Variants in ATXN1 observed in about 807,000 individuals in gnomAD.
ATXN1 encodes the protein ataxin 1.
ATXN1 carries 8 observed loss-of-function variants against 56.4 expected under a neutral mutation model. The ratio of observed to expected loss-of-function variants is 0.14; its 90% CI spans 0.08 to 0.26. The LOEUF (loss-of-function observed/expected upper bound fraction) is 0.26. ATXN1 is among the 10% of genes least tolerant of loss of function. ATXN1 has a pLI of 1.00. For missense variants in ATXN1, 987 were observed against 1,106.5 expected (o/e 0.89, Z 1.53); for synonymous variants, 514 against 494.6 (o/e 1.04, Z -0.52).
At chr6:16,630,520 A>C (rs776278422) in intron 3 of ATXN1, among the ~76,000 whole-genome samples, 2 of 152,226 alleles carry the variant, frequency 1.3e-5, no homozygotes, top group Non-Finnish European at 2.9e-5. Context: ...GACCACTCCA[A>C]TGCATTGATG....
intron 7 of ATXN1, among the ~76,000 whole-genome samples, chr6:16,315,082 C>T (rs984342875): frequency 1.6e-4 from 25 of 152,252 alleles, no homozygotes; most frequent in Admixed American, 1.4e-3. Context: ...ACACGCAAAA[C>T]GGGTACATTT....
In ATXN1 at chr6:16,327,419, T is replaced by C; in HGVS notation, c.892A>G (p.Ser298Gly). Reference protein sequence around the residue: ...QVVMQYADSGSHFVPREATKK... With the variant: ...QVVMQYADSGGHFVPREATKK... Reference sequence around the variant, plus strand: ...GTGGCCTCCCGAGGGACAAAGTGGCTGCCGGAGTCGGCGTATTGCATGACG... The same window carrying C: ...GTGGCCTCCCGAGGGACAAAGTGGCCGCCGGAGTCGGCGTATTGCATGACG... The change falls in exon 7 of 8, where the codon AGC becomes GGC. Residue 298 changes from serine (S) to glycine (G), a missense_variant. Ser to Gly is a moderately conservative substitution (Grantham distance 56). Coordinates refer to ENST00000436367, the MANE Select transcript of ATXN1 (RefSeq NM_001128164.2). The C allele has an allele frequency of 6.2e-7, 1 of 1,613,758 alleles. No individual in the cohort carries two copies. The highest frequency in any genetic ancestry group is 1.1e-5 in the South Asian group (1 of 91,078).
intron 2 of ATXN1, among the ~76,000 whole-genome samples, chr6:16,721,604 G>T (rs1759746703): frequency 6.6e-6 from 1 of 152,156 alleles, no homozygotes; most frequent in Admixed American, 6.5e-5. Context: ...TCCAGCCAGG[G>T]TGATAGAGGG....
intron 5 of ATXN1, among the ~76,000 whole-genome samples, chr6:16,519,167 A>G (rs3806137): frequency 0.29 from 44,106 of 152,044 alleles, 6,660 homozygotes; most frequent in Non-Finnish European, 0.33. Context: ...GAGGAAGAAG[A>G]AGATACATGT....
At position 16,519,312 on chromosome 6, in the gene ATXN1, G is replaced by A. The variant is rs1177832531; in HGVS notation, c.-299+3315C>T. Among the ~76,000 whole-genome samples the A allele has an allele frequency of 3.9e-5, 6 of 152,234 alleles. No homozygotes were observed. The South Asian group carries it at 1.2e-3, about 32-fold the overall frequency. On this transcript the variant is annotated intron_variant, in intron 5 of 7. Coordinates refer to ENST00000436367, the MANE Select transcript of ATXN1 (RefSeq NM_001128164.2). ...TTTAAAAATGCTTCAGGAGTTCAGAGGGGAAAAAAAGTATCCGTTGGAACT... is the reference window on the plus strand; with the variant it reads ...TTTAAAAATGCTTCAGGAGTTCAGAAGGGAAAAAAAGTATCCGTTGGAACT...
intron 6 of ATXN1, among the ~76,000 whole-genome samples, chr6:16,445,470 C>A (rs1383291647): frequency 1.3e-5 from 2 of 151,684 alleles, no homozygotes; most frequent in African/African-American, 4.8e-5. Context: ...CAAAAGCGTT[C>A]ATTTACCACC....
chr6:16,322,300 T>C (rs190905056), intron 7 of ATXN1, among the ~76,000 whole-genome samples: 157 of 152,232 alleles, frequency 1.0e-3, no homozygotes, highest in Non-Finnish European at 1.8e-3. Flanking sequence ...AGGAGAGTGC[T>C]GCAGCTCAGA....
intron 2 of ATXN1, among the ~76,000 whole-genome samples, chr6:16,719,882 C>T (rs770932157): frequency 1.7e-4 from 26 of 152,180 alleles, no homozygotes; most frequent in Admixed American, 5.2e-4. Flanking sequence ...CCCAACAGAG[C>T]TTCGGGAGGG....
chr6:16,670,193 T>C (rs995519239), intron 2 of ATXN1, among the ~76,000 whole-genome samples: 3 of 152,302 alleles, frequency 2.0e-5, no homozygotes, highest in African/African-American at 7.2e-5. Flanking sequence ...TTCTATTTCC[T>C]GGTTATGCTA....
chr6:16,381,382 T>C (rs1019661098), intron 6 of ATXN1, among the ~76,000 whole-genome samples: 5 of 152,072 alleles, frequency 3.3e-5, no homozygotes, highest in African/African-American at 7.2e-5. Context: ...CACCAGAAGC[T>C]AGGGAGTGAC....
intron 6 of ATXN1, among the ~76,000 whole-genome samples, chr6:16,353,202 C>G (rs1381246101): frequency 6.6e-6 from 1 of 152,146 alleles, no homozygotes; most frequent in African/African-American, 2.4e-5. Context: ...CGGGGGACGT[C>G]TGGCTGCGGT....
intron 2 of ATXN1, among the ~76,000 whole-genome samples, chr6:16,679,173 T>G (rs1758748519): frequency 6.7e-6 from 1 of 148,344 alleles, no homozygotes; most frequent in African/African-American, 2.5e-5. Context: ...AATAGATGGA[T>G]GGAAGGATAG....
At chr6:16,622,218 G>A (rs899578400) in intron 3 of ATXN1, among the ~76,000 whole-genome samples, 6 of 152,134 alleles carry the variant, frequency 3.9e-5, no homozygotes, top group South Asian at 2.1e-4. Context: ...AAATTAAACC[G>A]GTGAAGGGGA....
chr6:16,432,999 G>A lies in ATXN1; in HGVS notation c.-161+52973C>T, dbSNP rs1171450003. 2.0e-5 allele frequency: 3 copies of A among 152,298 alleles called. No homozygotes were observed. The East Asian group carries it at 5.8e-4, about 29-fold the overall frequency. The allele number at this position is 152,298 out of a possible 1,614,324, so 9.4% of individuals were successfully genotyped here. A position where few individuals can be genotyped will look rare whatever the true frequency, so the allele number is the denominator to read the frequency against. On this transcript the variant is annotated intron_variant, in intron 6 of 7. Coordinates refer to ENST00000436367, the MANE Select transcript of ATXN1 (RefSeq NM_001128164.2). ...TAATTCTGCTTGAAAGAAGTGCAAA[G>A]AAGGTCTTTTGCTGTGCAGCATGTA...
chr6:16,367,116 CTGT>C (rs1035968243), intron 6 of ATXN1, among the ~76,000 whole-genome samples: 2 of 152,118 alleles, frequency 1.3e-5, no homozygotes, highest in Non-Finnish European at 2.9e-5. Flanking sequence ...AATAGTGCTG[CTGT>C]TATTAGCAGC....
At chr6:16,545,431 G>A (rs1761796993) in intron 4 of ATXN1, among the ~76,000 whole-genome samples, 1 of 151,088 alleles carries the variant, frequency 6.6e-6, no homozygotes, top group Non-Finnish European at 1.5e-5. Context: ...AAAGTTTCCT[G>A]AGCTGAAAAG....
At position 16,540,503 on chromosome 6, in the gene ATXN1, C is replaced by A. The variant is rs1259439008; in HGVS notation, c.-360-17815G>T. 4.6e-5 allele frequency among the ~76,000 whole-genome samples: 7 copies of A among 152,278 alleles called. 1 individual carries two copies. The South Asian group carries it at 1.2e-3, about 27-fold the overall frequency. On this transcript the variant is annotated intron_variant, in intron 4 of 7. Transcript: ENST00000436367. ...CTGGGATTACAGGCATGAGCCACTGCGCCCGGAACTGATTCAGCTCTCCCA... is the reference window on the plus strand; with the variant it reads ...CTGGGATTACAGGCATGAGCCACTGAGCCCGGAACTGATTCAGCTCTCCCA...
intron 2 of ATXN1, among the ~76,000 whole-genome samples, chr6:16,710,337 T>C (rs1759496346): frequency 6.6e-6 from 1 of 152,216 alleles, no homozygotes; most frequent in South Asian, 2.1e-4. Context: ...GTTTTTGAAT[T>C]GAAGTTTCAA....
intron 6 of ATXN1, among the ~76,000 whole-genome samples, chr6:16,474,404 C>T (rs892254941): frequency 1.3e-5 from 2 of 152,240 alleles, no homozygotes; most frequent in Non-Finnish European, 1.5e-5. Context: ...GAAGCAGAGA[C>T]AAGCTGTCCC....
Sources: allele counts gnomAD v4.1 joint callset (sites outside exome capture counted in the v4.1 genomes callset), GRCh38; gene constraint gnomAD v4.1.1; transcripts MANE v1.5; gene names NCBI Gene and HGNC (gene_info 2026-07-23, HGNC 2026-07-21).